Variants in MCTP1 observed in about 807,000 individuals in gnomAD.
The protein encoded by MCTP1 is multiple C2 and transmembrane domain-containing protein 1.
A neutral mutation model predicts 120.6 loss-of-function variants in MCTP1; 69 were observed. The ratio of observed to expected loss-of-function variants is 0.57; its 90% CI spans 0.47 to 0.70. The LOEUF is 0.70. Among genes scored for constraint, MCTP1 ranks in the 30% least tolerant of loss-of-function variants. The pLI is 0.00. For synonymous variants in MCTP1, 529 were observed against 493.1 expected (o/e 1.07, Z -0.96); for missense variants, 1,203 against 1,248.8 (o/e 0.96, Z 0.55).
chr5:95,104,500 C>A (rs1040383974), intron 1 of MCTP1, among the ~76,000 whole-genome samples: 6 of 152,058 alleles, frequency 3.9e-5, no homozygotes, highest in African/African-American at 1.4e-4. Flanking sequence ...GGTTACTATA[C>A]CTAGTTTAGC....
chr5:94,903,310 T>A (rs1805994069), intron 10 of MCTP1, among the ~76,000 whole-genome samples: 1 of 152,240 alleles, frequency 6.6e-6, no homozygotes, highest in Non-Finnish European at 1.5e-5. Context: ...GTGTCACAGA[T>A]AAAAAACATT....
At chr5:95,095,062 C>T (rs548342336) in intron 1 of MCTP1, among the ~76,000 whole-genome samples, 2 of 116,294 alleles carry the variant, frequency 1.7e-5, no homozygotes, top group Non-Finnish European at 3.2e-5. Flanking sequence ...CTCGCTCTGT[C>T]GCCCAGGCTG....
chr5:95,020,429 A>T (rs1274801270), intron 1 of MCTP1, among the ~76,000 whole-genome samples: 1 of 152,024 alleles, frequency 6.6e-6, no homozygotes, highest in Non-Finnish European at 1.5e-5. Context: ...CCTCTTCTAC[A>T]AACTTCTAAT....
intron 1 of MCTP1, among the ~76,000 whole-genome samples, chr5:95,186,409 A>C (rs1749218068): frequency 6.6e-6 from 1 of 152,100 alleles, no homozygotes; most frequent in Admixed American, 6.5e-5. Context: ...TTAAAATATA[A>C]TACTATTTAG....
intron 19 of MCTP1, among the ~76,000 whole-genome samples, chr5:94,728,866 A>G (rs1409347034): frequency 6.6e-6 from 1 of 152,084 alleles, no homozygotes; most frequent in Non-Finnish European, 1.5e-5. Context: ...GTTTAGCCAA[A>G]TCTCAATTCA....
intron 5 of MCTP1, among the ~76,000 whole-genome samples, chr5:94,937,907 A>G (rs532908451): frequency 1.3e-5 from 2 of 152,040 alleles, no homozygotes; most frequent in African/African-American, 4.8e-5. Context: ...AATACACAGG[A>G]TCTCAGGCAC....
rs370366313 is a variant in MCTP1, at chr5:95,013,914, A to G, written c.838+3453T>C. ...TATGTAGTTCCTCTGATAGATCTGG[A>G]CAAAGCAAATTGCAAACCTTCTGGA... On this transcript the variant is annotated intron_variant, in intron 2 of 22. Transcript: ENST00000515393. Among the ~76,000 whole-genome samples, 46 of 152,200 alleles carry G rather than the reference A, an allele frequency of 3.0e-4. No homozygotes were observed. In the East Asian group the frequency reaches 8.9e-3, roughly 29 times the overall value.
Position 94,917,911 on chromosome 5 carries a change from A to G in MCTP1, c.1335T>C (p.Tyr445=). The part of the protein sequence containing the change: ...GFCRAELQNP[Y]CKNVQFQTQS... ...TTGAACTTACTTGTACATTTTTGCA[A>G]TAAGGATTCTGAAGCTCTGCTCTGC... is the stretch of plus-strand genomic sequence containing the variant. Residue 445 remains tyrosine, a synonymous_variant, in exon 8 of 23, where the codon TAT becomes TAC. Transcript: ENST00000515393. 6.2e-7 allele frequency: 1 copy of G among 1,613,816 alleles called. No individual in the cohort carries two copies. Among genetic ancestry groups the G allele is most frequent in the Non-Finnish European group, 8.5e-7 (1 of 1,179,734 alleles).
At chr5:94,811,597 T>C (rs1399237952) in intron 17 of MCTP1, among the ~76,000 whole-genome samples, 2 of 152,226 alleles carry the variant, frequency 1.3e-5, no homozygotes, top group Non-Finnish European at 2.9e-5. Context: ...TCTGTTTTCT[T>C]TTATAGCAAG....
chr5:95,051,726 TC>T (rs1745965100), intron 1 of MCTP1, among the ~76,000 whole-genome samples: 3 of 152,190 alleles, frequency 2.0e-5, no homozygotes, highest in African/African-American at 7.2e-5. Flanking sequence ...TGAGATCATG[TC>T]CTTTGCAGCA....
intron 1 of MCTP1, among the ~76,000 whole-genome samples, chr5:95,185,114 G>T (rs570470020): frequency 6.6e-6 from 1 of 152,292 alleles, no homozygotes; most frequent in African/African-American, 2.4e-5. Flanking sequence ...AGTGGGCAAG[G>T]TGAACCCACT....
At chr5:95,091,615 C>G (rs993256255) in intron 1 of MCTP1, among the ~76,000 whole-genome samples, 2 of 152,272 alleles carry the variant, frequency 1.3e-5, no homozygotes, top group East Asian at 3.9e-4. Flanking sequence ...AGCCCTGAGA[C>G]CACAAGAAGA....
At chr5:94,880,916 G>T (rs549737331) in intron 12 of MCTP1, among the ~76,000 whole-genome samples, 2 of 152,132 alleles carry the variant, frequency 1.3e-5, no homozygotes, top group South Asian at 4.2e-4. Context: ...TGAAGGGAGG[G>T]TACAGCATCT....
chr5:94,796,852 C>G (rs964559851), intron 18 of MCTP1, among the ~76,000 whole-genome samples: 1 of 151,434 alleles, frequency 6.6e-6, no homozygotes. Flanking sequence ...TGCTCTGGTG[C>G]CTAGAAAGAA....
At position 94,715,275 on chromosome 5, in the gene MCTP1, C is replaced by T. The variant is rs574422696; in HGVS notation, c.2611-389G>A. Among the ~76,000 whole-genome samples, 6 of 149,820 alleles carry T rather than the reference C, an allele frequency of 4.0e-5. No homozygotes were observed. The East Asian group carries it at 1.2e-3, about 30-fold the overall frequency. ...TGGACCCAGTTTCTTGACCGCACTG[C>T]CCATAAACCCAAATTTTGTTGTGGC... On this transcript the variant is annotated intron_variant, in intron 19 of 22. Transcript: ENST00000515393.
At chr5:94,784,420 A>G (rs973915870) in intron 18 of MCTP1, among the ~76,000 whole-genome samples, 1 of 152,100 alleles carries the variant, frequency 6.6e-6, no homozygotes, top group African/African-American at 2.4e-5. Flanking sequence ...AAAGTACCAA[A>G]GGTCAGGCTA....
intron 1 of MCTP1, among the ~76,000 whole-genome samples, chr5:95,074,129 A>G (rs1038706291): frequency 3.3e-5 from 5 of 152,220 alleles, no homozygotes; most frequent in Admixed American, 6.5e-5. Context: ...AAAAAAAAGA[A>G]AAAAAATTAC....
intron 1 of MCTP1, among the ~76,000 whole-genome samples, chr5:95,029,142 C>T (rs1839839172): frequency 7.8e-6 from 1 of 128,782 alleles, no homozygotes; most frequent in Non-Finnish European, 1.6e-5. Flanking sequence ...GGTGACAGAG[C>T]GAGACTCCAT....
At chr5:95,177,197 A>G (rs1299004331) in intron 1 of MCTP1, among the ~76,000 whole-genome samples, 1 of 151,932 alleles carries the variant, frequency 6.6e-6, no homozygotes, top group Non-Finnish European at 1.5e-5. Context: ...ACATACACAC[A>G]GAGAGAAAGA....
Sources: allele counts gnomAD v4.1 joint callset (sites outside exome capture counted in the v4.1 genomes callset), GRCh38; gene constraint gnomAD v4.1.1; transcripts MANE v1.5; gene names NCBI Gene and HGNC (gene_info 2026-07-23, HGNC 2026-07-21).